Variants in SHLD2 observed in about 807,000 individuals in gnomAD.
SHLD2 encodes the protein RINN1-REV7-interacting novel NHEJ regulator 2.
A neutral mutation model predicts 73.2 loss-of-function variants in SHLD2; 30 were observed. The ratio of observed to expected loss-of-function variants is 0.41; its 90% CI spans 0.31 to 0.56. The LOEUF is 0.56. SHLD2 is among the 20% of genes least tolerant of loss of function. SHLD2 has a pLI of 0.28. For missense variants in SHLD2, 745 were observed against 1,055.9 expected, an observed-to-expected ratio of 0.71 and a Z score of 4.08; for synonymous variants, 285 against 370.1, an observed-to-expected ratio of 0.77 and a Z score of 2.64.
intron 2 of SHLD2, among the ~76,000 whole-genome samples, chr10:87,135,146 A>T (rs1844711993): frequency 1.3e-5 from 2 of 149,046 alleles, no homozygotes; most frequent in Admixed American, 6.7e-5. Flanking sequence ...TATTTAATTT[A>T]TTTTTTTTTT....
intron 4 of SHLD2, among the ~76,000 whole-genome samples, chr10:87,164,783 C>T (rs539370024): frequency 1.3e-4 from 20 of 152,180 alleles, no homozygotes; most frequent in South Asian, 8.3e-4. Context: ...CTTTACAAAT[C>T]CTTACTGACA....
rs199975056 is a variant in SHLD2, at chr10:87,152,149, A to G, written c.795A>G (p.Val265=). The G allele has an allele frequency of 6.2e-6, 10 of 1,611,508 alleles. No homozygotes were observed. Among genetic ancestry groups the G allele is most frequent in the South Asian group, 3.3e-5 (3 of 90,962 alleles). ...AQKKDKRRSP[V]NKGNVNMETE... is the part of the protein sequence containing the mutation. ...AGAAAGATAAAAGGCGGAGTCCTGT[A>G]AATAAAGGGAATGTAAACATGGAGA... The change falls in exon 3 of 10, where the codon GTA becomes GTG. Residue 265 remains valine (V), a synonymous_variant. Transcript: ENST00000298786.
At chr10:87,161,453 A>G (rs1028534469) in intron 4 of SHLD2, among the ~76,000 whole-genome samples, 2 of 152,186 alleles carry the variant, frequency 1.3e-5, no homozygotes, top group African/African-American at 2.4e-5. Flanking sequence ...TCAAAAAAAA[A>G]TAATAATAGT....
chr10:87,181,110 G>T (rs1848277209), intron 8 of SHLD2, among the ~76,000 whole-genome samples: 1 of 151,750 alleles, frequency 6.6e-6, no homozygotes. Flanking sequence ...GCTGGGTGTG[G>T]TGGCTCACGC....
chr10:87,116,548 G>A (rs2258284), intron 2 of SHLD2, among the ~76,000 whole-genome samples: 1 of 152,092 alleles, frequency 6.6e-6, no homozygotes, highest in South Asian at 2.1e-4. Flanking sequence ...GTGAGAATTC[G>A]GGATATGAAC....
intron 8 of SHLD2, among the ~76,000 whole-genome samples, chr10:87,186,444 G>A (rs1848623663): frequency 6.6e-6 from 1 of 152,210 alleles, no homozygotes; most frequent in Non-Finnish European, 1.5e-5. Context: ...TCTCACCAGT[G>A]CTGCTTCCAT....
intron 4 of SHLD2, among the ~76,000 whole-genome samples, chr10:87,160,284 C>A (rs1330096823): frequency 6.6e-6 from 1 of 151,690 alleles, no homozygotes; most frequent in Non-Finnish European, 1.5e-5. Context: ...CCCAGGAGCT[C>A]GACACCAGCC....
At chr10:87,156,376 A>T (rs1383434567) in intron 3 of SHLD2, among the ~76,000 whole-genome samples, 1 of 152,074 alleles carries the variant, frequency 6.6e-6, no homozygotes, top group Non-Finnish European at 1.5e-5. Flanking sequence ...AAACTGAAAA[A>T]TTTTAAGTAA....
At chr10:87,101,829 A>T (rs28694205) in intron 2 of SHLD2, among the ~76,000 whole-genome samples, 4,604 of 152,188 alleles carry the variant, frequency 0.03, 249 homozygotes, top group African/African-American at 0.1. Flanking sequence ...TACGAGAATT[A>T]CCTGAACCCA....
chr10:87,174,584 A>T (rs1847822483), intron 6 of SHLD2, among the ~76,000 whole-genome samples: 1 of 151,872 alleles, frequency 6.6e-6, no homozygotes, highest in African/African-American at 2.4e-5. Flanking sequence ...AAAAAAAAAA[A>T]ATCTCTAGTG....
Position 87,132,175 on chromosome 10 carries a change from T to C in SHLD2, c.-5-19175T>C, listed in dbSNP as rs200349070. The stretch of plus-strand genomic sequence containing the variant: ...TTGCCTCTAGATGTTTTTTACTTTT[T>C]TATTTTTGATCCTTGAACTCATCTA... On this transcript the variant is annotated intron_variant, in intron 2 of 9. Transcript: ENST00000298786. Among the ~76,000 whole-genome samples the C allele has an allele frequency of 3.9e-5, 6 of 152,316 alleles. No homozygotes were observed. In the East Asian group the frequency reaches 1.2e-3, roughly 29 times the overall value.
At chr10:87,151,164 A>G (rs1050969545) in intron 2 of SHLD2, among the ~76,000 whole-genome samples, 186 bp from the exon 3 acceptor site, 6 of 151,906 alleles carry the variant, frequency 3.9e-5, no homozygotes, top group South Asian at 2.1e-4. Context: ...GAATATTGTG[A>G]TTTCTCCTTA....
At chr10:87,122,902 C>T (rs1420733859) in intron 2 of SHLD2, among the ~76,000 whole-genome samples, 14 of 152,102 alleles carry the variant, frequency 9.2e-5, no homozygotes, top group South Asian at 2.1e-4. Context: ...CTCAGCCTCC[C>T]GAGTAGCTGG....
At chr10:87,131,235 TA>T (rs1248411980) in intron 2 of SHLD2, among the ~76,000 whole-genome samples, 3 of 152,028 alleles carry the variant, frequency 2.0e-5, no homozygotes, top group Non-Finnish European at 4.4e-5. Context: ...ACATAAAATT[TA>T]TTATTTATAA....
intron 2 of SHLD2, among the ~76,000 whole-genome samples, chr10:87,097,703 C>T (rs1841996046): frequency 6.6e-6 from 1 of 152,094 alleles, no homozygotes; most frequent in Non-Finnish European, 1.5e-5. Flanking sequence ...GCCTTACAAA[C>T]TGGCTTCATG....
At position 87,190,822 on chromosome 10, in the gene SHLD2, A is replaced by T. The variant is rs938961713; in HGVS notation, c.*139A>T. 19 of 681,080 alleles carry T rather than the reference A, an allele frequency of 2.8e-5. No individual in the cohort carries two copies. Among genetic ancestry groups the T allele is most frequent in the Non-Finnish European group, 4.9e-6 (2 of 409,732 alleles). The allele number at this position is 681,080 out of a possible 1,614,324, so 42.2% of individuals were successfully genotyped here. On this transcript the variant is annotated 3_prime_UTR_variant, in exon 10 of 10. Coordinates refer to ENST00000298786, the MANE Select transcript of SHLD2 (RefSeq NM_001330112.2). ...CAAAGAGAATTGCACTAGATATATA[A>T]ATTAAAACTTTTTTCTAAGAAAATC...
chr10:87,157,859 T>C (rs1412390744), intron 3 of SHLD2, among the ~76,000 whole-genome samples, 189 bp from the exon 4 acceptor site: 1 of 152,258 alleles, frequency 6.6e-6, no homozygotes, highest in Non-Finnish European at 1.5e-5. Flanking sequence ...GCAATTTTGT[T>C]AATTTACCTA....
At chr10:87,117,567 G>T (rs1339333173) in intron 2 of SHLD2, among the ~76,000 whole-genome samples, 1 of 152,230 alleles carries the variant, frequency 6.6e-6, no homozygotes, top group African/African-American at 2.4e-5. Flanking sequence ...GCCGAGGTGG[G>T]CAGCTGGCTT....
In SHLD2 at chr10:87,156,144, G is replaced by A. The variant is rs528966859; in HGVS notation, c.1526-1904G>A. Among the ~76,000 whole-genome samples the A allele has an allele frequency of 1.0e-3, 149 of 149,120 alleles. No homozygotes were observed. The South Asian group carries it at 0.031, about 31-fold the overall frequency. On this transcript the variant is annotated intron_variant, in intron 3 of 9. Transcript: ENST00000298786. ...TGCAGTGGCGCGATCTCGGCTCACTGCAACCTCTGCCTCCTGGGTTCAAGT... is the reference window on the plus strand; with the variant it reads ...TGCAGTGGCGCGATCTCGGCTCACTACAACCTCTGCCTCCTGGGTTCAAGT...
Sources: gnomAD v4.1 joint callset for allele counts (sites outside exome capture counted in the v4.1 genomes callset) on GRCh38, gnomAD v4.1.1 for gene constraint, MANE v1.5 for transcripts, NCBI Gene and HGNC (gene_info 2026-07-23, HGNC 2026-07-21) for gene names.